The following GRIN2A variants were observed in gnomAD, a reference collection of about 807,000 sequenced individuals.
GRIN2A encodes the protein glutamate ionotropic receptor NMDA type subunit 2A, also known as glutamate receptor ionotropic, NMDA 2A.
Under a neutral mutation model 113.4 loss-of-function variants are expected in GRIN2A, and 22 were observed. The observed-to-expected ratio is 0.19, with a 90% confidence interval of 0.14 to 0.28. The LOEUF (loss-of-function observed/expected upper bound fraction) is 0.28. GRIN2A is among the 10% of genes least tolerant of loss of function. The probability of loss-of-function intolerance (pLI) is 1.00; values close to 1 mark genes in which losing one functional copy is unlikely to be tolerated. For synonymous variants in GRIN2A, 827 were observed against 738.4 expected (o/e 1.12, Z -1.94); for missense variants, 1,502 against 1,887.0 (o/e 0.80, Z 3.78).
chr16:10,017,000 C>T (rs1265786197), intron 2 of GRIN2A, among the ~76,000 whole-genome samples: 2 of 152,202 alleles, frequency 1.3e-5, no homozygotes, highest in Non-Finnish European at 2.9e-5. Flanking sequence ...GAACACAGAT[C>T]TAGAGAAATG....
chr16:10,038,107 G>A lies in GRIN2A; in HGVS notation c.415-99556C>T, dbSNP rs561332278. ...AGACTTTATTTCTCTCAGTTCCAGAGGTTGGGAAGTCCAAGATCAAGGTGC... is the reference window on the plus strand; with the variant it reads ...AGACTTTATTTCTCTCAGTTCCAGAAGTTGGGAAGTCCAAGATCAAGGTGC... On this transcript the variant is annotated intron_variant, in intron 2 of 12. Coordinates refer to ENST00000330684, the MANE Select transcript of GRIN2A (RefSeq NM_001134407.3). 2.0e-5 allele frequency among the ~76,000 whole-genome samples: 3 copies of A among 152,314 alleles called. No homozygotes were observed. In the East Asian group the frequency reaches 5.8e-4, roughly 29 times the overall value.
chr16:10,143,838 C>T (rs2049377407), intron 2 of GRIN2A, among the ~76,000 whole-genome samples: 1 of 152,094 alleles, frequency 6.6e-6, no homozygotes, highest in African/African-American at 2.4e-5. Flanking sequence ...TGGTGGCACA[C>T]ACCTGTAGTA....
In GRIN2A at chr16:10,158,496, T is replaced by C. The variant is rs185305717; in HGVS notation, c.414+21502A>G. 3.5e-3 allele frequency among the ~76,000 whole-genome samples: 528 copies of C among 152,236 alleles called. 10 individuals are homozygous for C. The highest frequency in any genetic ancestry group is 1.6e-3 in the Non-Finnish European group (108 of 68,018). The stretch of plus-strand genomic sequence containing the variant: ...ATGTTTATAGCAGCACCATTCACAA[T>C]AGCTAACAGATGGAAACAGCACAAA... On this transcript the variant is annotated intron_variant, in intron 2 of 12. Transcript: ENST00000330684.
chr16:10,087,640 A>G (rs1348893250), intron 2 of GRIN2A, among the ~76,000 whole-genome samples: 1 of 152,128 alleles, frequency 6.6e-6, no homozygotes. Flanking sequence ...GTTAAATTAT[A>G]TCATCTATAT....
intron 4 of GRIN2A, among the ~76,000 whole-genome samples, chr16:9,872,867 A>C (rs1440883789): frequency 2.1e-5 from 3 of 142,596 alleles, no homozygotes; most frequent in African/African-American, 7.8e-5. Flanking sequence ...CTATCTCTAC[A>C]AAAACAAAAC....
At chr16:9,808,536 G>A (rs764877282) in intron 10 of GRIN2A, among the ~76,000 whole-genome samples, 8 of 152,148 alleles carry the variant, frequency 5.3e-5, no homozygotes, top group Admixed American at 1.3e-4. Flanking sequence ...AGAATGCAGG[G>A]TACTTTCCAT....
At chr16:9,799,964 A>ATATTATTGT (rs1018152206) in intron 10 of GRIN2A, among the ~76,000 whole-genome samples, 2 of 149,704 alleles carry the variant, frequency 1.3e-5, no homozygotes, top group African/African-American at 4.9e-5. Context: ...CTGTGCCTAA[A>ATATTATTGT]TATTATTATT....
intron 2 of GRIN2A, among the ~76,000 whole-genome samples, chr16:10,096,808 T>C (rs2048302821): frequency 6.6e-6 from 1 of 152,176 alleles, no homozygotes; most frequent in Non-Finnish European, 1.5e-5. Flanking sequence ...ATAGACCTGC[T>C]ACAACCACAA....
intron 2 of GRIN2A, among the ~76,000 whole-genome samples, chr16:10,140,277 A>AAAAG (rs1249568777): frequency 6.6e-6 from 1 of 152,180 alleles, no homozygotes; most frequent in African/African-American, 2.4e-5. Flanking sequence ...GGCAAAACAC[A>AAAAG]CAGTATACCA....
chr16:10,058,554 C>T (rs936617234), intron 2 of GRIN2A, among the ~76,000 whole-genome samples: 2 of 152,070 alleles, frequency 1.3e-5, no homozygotes, highest in Non-Finnish European at 2.9e-5. Context: ...GAAAAAAAAT[C>T]AGACAGCTGC....
In GRIN2A at chr16:9,766,622, A is replaced by T. The variant is rs557734796; in HGVS notation, c.2596-1674T>A. ...CAAAATAACATCTGCCCCTGCCATC[A>T]CTGCTTCCAGAGCTGCTGGAGCATC... On this transcript the variant is annotated intron_variant, in intron 12 of 12. Coordinates refer to ENST00000330684, the MANE Select transcript of GRIN2A (RefSeq NM_001134407.3). Among the ~76,000 whole-genome samples the T allele has an allele frequency of 9.2e-4, 140 of 152,268 alleles. 1 individual carries two copies. The highest frequency in any genetic ancestry group is 3.2e-3 in the African/African-American group (135 of 41,556).
intron 2 of GRIN2A, among the ~76,000 whole-genome samples, chr16:9,942,451 G>C (rs59117637): frequency 6.6e-6 from 1 of 152,158 alleles, no homozygotes; most frequent in Non-Finnish European, 1.5e-5. Context: ...CTATAAGATA[G>C]GAATAATGAC....
intron 10 of GRIN2A, among the ~76,000 whole-genome samples, chr16:9,820,850 C>T (rs2042268817): frequency 6.6e-6 from 1 of 152,110 alleles, no homozygotes; most frequent in Non-Finnish European, 1.5e-5. Flanking sequence ...TTTTGTTATA[C>T]TTCAAAAGTT....
At chr16:10,108,153 G>A (rs1190448726) in intron 2 of GRIN2A, among the ~76,000 whole-genome samples, 2 of 152,204 alleles carry the variant, frequency 1.3e-5, no homozygotes, top group Non-Finnish European at 2.9e-5. Context: ...GGAAGAAAAA[G>A]AGGTTTAATG....
intron 2 of GRIN2A, among the ~76,000 whole-genome samples, chr16:10,042,450 A>G (rs943597667): frequency 1.3e-5 from 2 of 152,118 alleles, no homozygotes; most frequent in African/African-American, 4.8e-5. Context: ...CAAGCCATCC[A>G]TGCCAGCCAG....
chr16:9,814,695 T>C (rs1231971391), intron 10 of GRIN2A, among the ~76,000 whole-genome samples: 6 of 152,134 alleles, frequency 3.9e-5, no homozygotes, highest in Non-Finnish European at 8.8e-5. Flanking sequence ...ATGGACTACC[T>C]ACATCTGAAT....
In GRIN2A at chr16:10,061,817, G is replaced by T. The variant is rs7205689; in HGVS notation, c.414+118181C>A. 7.2e-3 allele frequency among the ~76,000 whole-genome samples: 1,098 copies of T among 152,266 alleles called. 10 individuals carry two copies. Among genetic ancestry groups the T allele is most frequent in the African/African-American group, 0.025 (1,040 of 41,540 alleles). ...CACATATCAATCAAAAGTGAAGAAA[G>T]GGAGTTCCCTCCAAAAGTGGCAGAG... On this transcript the variant is annotated intron_variant, in intron 2 of 12. Transcript: ENST00000330684.
chr16:9,873,497 T>C (rs769208592), intron 4 of GRIN2A, among the ~76,000 whole-genome samples: 2 of 152,036 alleles, frequency 1.3e-5, no homozygotes, highest in African/African-American at 2.4e-5. Context: ...GCTCAGGAGT[T>C]TGAGACCAGC....
chr16:10,076,588 C>G (rs1003460242), intron 2 of GRIN2A, among the ~76,000 whole-genome samples: 2 of 152,138 alleles, frequency 1.3e-5, no homozygotes, highest in African/African-American at 2.4e-5. Context: ...GTATTCTTGT[C>G]ACAGACAATC....
Sources: allele counts gnomAD v4.1 joint callset (sites outside exome capture counted in the v4.1 genomes callset), GRCh38; gene constraint gnomAD v4.1.1; transcripts MANE v1.5; gene names NCBI Gene and HGNC (gene_info 2026-07-23, HGNC 2026-07-21).